CA10: variants seen among roughly 807,000 people sequenced by gnomAD.
CA10 encodes the protein carbonic anhydrase 10 (inactive).
CA10 carries 14 observed loss-of-function variants against 44.2 expected under a neutral mutation model. That is an observed-to-expected ratio of 0.32 (90% CI 0.21 to 0.50). The LOEUF (loss-of-function observed/expected upper bound fraction) is 0.50, where lower values mean the gene tolerates loss of function less well. Ranked by LOEUF, CA10 falls within the 20% of genes least tolerant of loss-of-function variation. CA10 has a pLI of 0.99. For missense variants in CA10, 350 were observed against 409.7 expected, an observed-to-expected ratio of 0.85 and a Z score of 1.26; for synonymous variants, 159 against 141.6, an observed-to-expected ratio of 1.12 and a Z score of -0.87.
intron 2 of CA10, among the ~76,000 whole-genome samples, chr17:51,938,917 G>A (rs758815522): frequency 2.0e-5 from 3 of 152,140 alleles, no homozygotes; most frequent in Admixed American, 2.0e-4. Flanking sequence ...ACTAGAATTT[G>A]AGATCAGTTT....
At chr17:51,719,607 G>T (rs1331202276) in intron 4 of CA10, among the ~76,000 whole-genome samples, 5 of 108,982 alleles carry the variant, frequency 4.6e-5, no homozygotes, top group Non-Finnish European at 9.9e-5. Context: ...TTAAGTATTG[G>T]CTGGGTGTGG....
At chr17:51,807,844 C>A (rs370400318) in intron 3 of CA10, among the ~76,000 whole-genome samples, 1 of 152,188 alleles carries the variant, frequency 6.6e-6, no homozygotes. Context: ...ATAGTGCCAG[C>A]GGCTATGGCT....
intron 1 of CA10, among the ~76,000 whole-genome samples, chr17:52,124,418 T>A (rs1311651521): frequency 2.0e-5 from 3 of 152,208 alleles, no homozygotes. Flanking sequence ...TTCCCCAGGA[T>A]TCTGTTACAT....
chr17:52,090,128 G>T (rs1426948255), intron 1 of CA10, among the ~76,000 whole-genome samples: 1 of 152,102 alleles, frequency 6.6e-6, no homozygotes, highest in Non-Finnish European at 1.5e-5. Context: ...CTAGAAAAAA[G>T]CAACCTCAGA....
intron 4 of CA10, among the ~76,000 whole-genome samples, chr17:51,657,792 C>T (rs1243032266): frequency 6.6e-6 from 1 of 152,180 alleles, no homozygotes; most frequent in African/African-American, 2.4e-5. Flanking sequence ...GTTCAACTGT[C>T]TGAGCAAGTG....
chr17:51,813,364 C>A (rs1907447280), intron 3 of CA10, among the ~76,000 whole-genome samples: 1 of 152,250 alleles, frequency 6.6e-6, no homozygotes, highest in Admixed American at 6.5e-5. Flanking sequence ...TGGCATAAAT[C>A]CGTTGGCTTC....
chr17:52,044,424 T>C (rs1283537477), intron 2 of CA10, among the ~76,000 whole-genome samples: 1 of 151,980 alleles, frequency 6.6e-6, no homozygotes, highest in South Asian at 2.1e-4. Flanking sequence ...CCACCTCAGC[T>C]TCTCAAATAG....
chr17:51,801,491 TA>T (rs56836202), intron 3 of CA10, among the ~76,000 whole-genome samples: 1 of 150,226 alleles, frequency 6.7e-6, no homozygotes, highest in Non-Finnish European at 1.5e-5. Flanking sequence ...GGAAAAAAAT[TA>T]AAAAAAAACA....
In CA10 at chr17:51,747,668, C is replaced by G; in HGVS notation, c.430G>C (p.Glu144Gln). The change falls in exon 4 of 9, where the codon GAG becomes CAG. Residue 144 changes from glutamate to glutamine, a missense_variant. By Grantham distance (29) the Glu-to-Gln change is conservative. Coordinates refer to ENST00000451037, the MANE Select transcript of CA10 (RefSeq NM_020178.5). ...HFGSEDSQGS[E>Q]HLLNGQAFSG... Reference sequence around the variant, plus strand: ...AAGGCCTGTCCATTGAGGAGGTGCTCCGACCCTTGGCTGTCCTCACTCCCA... The same window carrying G: ...AAGGCCTGTCCATTGAGGAGGTGCTGCGACCCTTGGCTGTCCTCACTCCCA... 1 of 1,613,982 alleles carries G rather than the reference C, an allele frequency of 6.2e-7. No homozygotes were observed. The highest frequency in any genetic ancestry group is 1.1e-5 in the South Asian group (1 of 91,046).
chr17:51,675,715 CA>C (rs199731935), intron 4 of CA10, among the ~76,000 whole-genome samples: 15,517 of 140,764 alleles, frequency 0.11, 1,007 homozygotes, highest in East Asian at 0.3. Context: ...GGCTGCGTCT[CA>C]AAAAAAAAAA....
rs1219018337 is a variant in CA10 at position 51,704,364 on chromosome 17, C to T, written c.465+43269G>A. Among the ~76,000 whole-genome samples, 6 of 152,176 alleles carry T rather than the reference C, an allele frequency of 3.9e-5. No individual in the cohort carries two copies. In the East Asian group the frequency reaches 7.7e-4, roughly 20 times the overall value. ...TGAAACAATGGTTACAAGCACAAGG[C>T]GTTAAGTCAAAAGACCTTGGTTTGA... On this transcript the variant is annotated intron_variant, in intron 4 of 8. Coordinates refer to ENST00000451037, the MANE Select transcript of CA10 (RefSeq NM_020178.5).
chr17:52,028,126 A>G (rs1467772512), intron 2 of CA10, among the ~76,000 whole-genome samples: 6 of 152,202 alleles, frequency 3.9e-5, no homozygotes, highest in Non-Finnish European at 8.8e-5. Flanking sequence ...GGTGAGAACC[A>G]AATGAGCTCC....
chr17:51,795,929 A>C (rs1906686958), intron 3 of CA10, among the ~76,000 whole-genome samples: 1 of 152,236 alleles, frequency 6.6e-6, no homozygotes, highest in Admixed American at 6.5e-5. Context: ...GAGAGAATTC[A>C]AAGCACAAGA....
chr17:51,798,115 C>G (rs951893368), intron 3 of CA10, among the ~76,000 whole-genome samples: 1 of 152,196 alleles, frequency 6.6e-6, no homozygotes, highest in Non-Finnish European at 1.5e-5. Flanking sequence ...AATGCACATG[C>G]CCTGTCCCTT....
At chr17:51,798,867 A>G (rs1170315462) in intron 3 of CA10, among the ~76,000 whole-genome samples, 1 of 152,350 alleles carries the variant, frequency 6.6e-6, no homozygotes, top group East Asian at 1.9e-4. Flanking sequence ...AAGATTCATA[A>G]TTAAAATTTT....
rs184586598 is a variant in CA10 at position 51,842,269 on chromosome 17, A to T, written c.279+88721T>A. On this transcript the variant is annotated intron_variant, in intron 3 of 8. Transcript: ENST00000451037. ...TTTTTTTTAAAGAGAAAAAACAAAA[A>T]CAATCACAAAGGATGCTGTTAGAAT... Among the ~76,000 whole-genome samples, 68 of 152,304 alleles carry T rather than the reference A, an allele frequency of 4.5e-4. No individual in the cohort carries two copies. In the East Asian group the frequency reaches 7.7e-3, roughly 17 times the overall value.
chr17:51,860,170 CTT>C (rs997265515), intron 3 of CA10, among the ~76,000 whole-genome samples: 2 of 152,128 alleles, frequency 1.3e-5, no homozygotes, highest in African/African-American at 4.8e-5. Flanking sequence ...CCCCTAGTCT[CTT>C]GAGACACTTT....
intron 3 of CA10, among the ~76,000 whole-genome samples, chr17:51,779,908 CA>C (rs1205643757): frequency 2.6e-5 from 4 of 152,118 alleles, no homozygotes; most frequent in African/African-American, 9.7e-5. Flanking sequence ...GTGGGCACCT[CA>C]GCGACATCAG....
intron 2 of CA10, among the ~76,000 whole-genome samples, chr17:52,022,438 T>C (rs754526144): frequency 2.1e-4 from 32 of 152,082 alleles, no homozygotes; most frequent in Non-Finnish European, 4.1e-4. Flanking sequence ...AAAGTAGGCA[T>C]TGAAGGAATG....
Sources: allele counts gnomAD v4.1 joint callset (sites outside exome capture counted in the v4.1 genomes callset), GRCh38; gene constraint gnomAD v4.1.1; transcripts MANE v1.5; gene names NCBI Gene and HGNC (gene_info 2026-07-23, HGNC 2026-07-21).